ECT2: variants seen among roughly 807,000 people sequenced by gnomAD.
ECT2 encodes epithelial cell transforming 2, also known as protein ECT2.
ECT2 carries 61 observed loss-of-function variants against 116.9 expected under a neutral mutation model. That is an observed-to-expected ratio of 0.52 (90% CI 0.42 to 0.65). ECT2 has a LOEUF of 0.65. Among genes scored for constraint, ECT2 ranks in the 30% least tolerant of loss-of-function variants. The pLI is 0.00. For missense variants in ECT2, 937 were observed against 1,078.7 expected, an observed-to-expected ratio of 0.87 and a Z score of 1.84; for synonymous variants, 358 against 346.4, an observed-to-expected ratio of 1.03 and a Z score of -0.37.
chr3:172,763,275 G>T (rs1167256618), intron 11 of ECT2, among the ~76,000 whole-genome samples: 2 of 152,144 alleles, frequency 1.3e-5, no homozygotes, highest in Non-Finnish European at 2.9e-5. Flanking sequence ...TTAACGATGG[G>T]GAATGATGTG....
chr3:172,797,258 C>T (rs1428468005), intron 18 of ECT2, among the ~76,000 whole-genome samples: 1 of 151,416 alleles, frequency 6.6e-6, no homozygotes, highest in Non-Finnish European at 1.5e-5. Context: ...TGGTCTCAAA[C>T]TCCAGGGTTC....
chr3:172,795,776 T>TA (rs1468100323), intron 18 of ECT2, among the ~76,000 whole-genome samples: 1 of 152,082 alleles, frequency 6.6e-6, no homozygotes, highest in South Asian at 2.1e-4. Flanking sequence ...AATTAAGTAA[T>TA]AGAGAGCTCA....
intron 24 of ECT2, among the ~76,000 whole-genome samples, chr3:172,817,163 G>A (rs991462232): frequency 3.9e-5 from 6 of 152,084 alleles, no homozygotes; most frequent in East Asian, 1.9e-4. Context: ...GCACAGCTCT[G>A]TACACTAGCA....
rs1288269385 is a variant in ECT2 at position 172,764,469 on chromosome 3, C to G, written c.1260C>G (p.Ser420=). The change falls in exon 12 of 25, where the codon TCC becomes TCG. Residue 420 remains serine, a synonymous_variant. Coordinates refer to ENST00000392692, the MANE Select transcript of ECT2 (RefSeq NM_001258315.2). ...CCATAGGGTCACTCCTAGATATCTC[C>G]AACACACCAGAGTCTAGCATTAACT... ...SLSIGSLLDI[S]NTPESSINYG... is the part of the protein sequence containing the mutation. 1.2e-6 allele frequency: 2 copies of G among 1,614,068 alleles called. No individual in the cohort carries two copies. Among genetic ancestry groups the G allele is most frequent in the Middle Eastern group, 1.6e-4 (1 of 6,062 alleles).
intron 15 of ECT2, among the ~76,000 whole-genome samples, chr3:172,782,815 T>A (rs1332366386): frequency 2.0e-5 from 3 of 152,152 alleles, no homozygotes; most frequent in Non-Finnish European, 2.9e-5. Flanking sequence ...CCTGTGTTAG[T>A]TTGTTAAGGA....
At chr3:172,777,730 C>A (rs916887486) in intron 14 of ECT2, among the ~76,000 whole-genome samples, 1 of 152,144 alleles carries the variant, frequency 6.6e-6, no homozygotes, top group Non-Finnish European at 1.5e-5. Flanking sequence ...AAAACCCCAT[C>A]GCTACAAAAA....
intron 18 of ECT2, among the ~76,000 whole-genome samples, chr3:172,789,249 C>A (rs143243356): frequency 1.4e-5 from 2 of 144,054 alleles, no homozygotes; most frequent in African/African-American, 5.1e-5. Flanking sequence ...GACAGGATCT[C>A]ACTCTGGTTG....
chr3:172,768,513 C>T (rs1719966750), intron 12 of ECT2, among the ~76,000 whole-genome samples: 1 of 152,120 alleles, frequency 6.6e-6, no homozygotes, highest in Non-Finnish European at 1.5e-5. Context: ...ATGATAGAGA[C>T]ATATTTCTTA....
At chr3:172,803,438 T>TA (rs1727090246) in intron 20 of ECT2, among the ~76,000 whole-genome samples, 1 of 152,194 alleles carries the variant, frequency 6.6e-6, no homozygotes. Flanking sequence ...CAGCAGGTTT[T>TA]AGAGTGAATG....
At chr3:172,802,560 G>T in intron 18 of ECT2, 56 bp from the exon 19 acceptor site, 1 of 1,089,128 alleles carries the variant, frequency 9.2e-7, no homozygotes, top group Non-Finnish European at 1.3e-6. Context: ...CATGAGTTGT[G>T]TTTGTTGTAG....
intron 14 of ECT2, among the ~76,000 whole-genome samples, chr3:172,776,357 C>T (rs78245400): frequency 0.062 from 9,324 of 151,604 alleles, 965 homozygotes; most frequent in African/African-American, 0.21. Flanking sequence ...CAGTACGTGC[C>T]GTGAAACATT....
intron 2 of ECT2, among the ~76,000 whole-genome samples, chr3:172,754,945 T>G (rs981941182): frequency 6.6e-5 from 10 of 152,062 alleles, no homozygotes; most frequent in Non-Finnish European, 1.5e-4. Context: ...AGTTATACAG[T>G]CATGACTGGT....
intron 22 of ECT2, among the ~76,000 whole-genome samples, chr3:172,809,568 TACACACACAC>T (rs10576393): frequency 6.1e-5 from 9 of 147,150 alleles, no homozygotes; most frequent in African/African-American, 7.5e-5. Context: ...TGTGTATATC[TACACACACAC>T]ACACACACAC....
chr3:172,783,444 A>G (rs549658643), intron 15 of ECT2, among the ~76,000 whole-genome samples: 6 of 152,218 alleles, frequency 3.9e-5, no homozygotes, highest in Admixed American at 2.6e-4. Flanking sequence ...TGGATTTTTG[A>G]ATAAATACCA....
intron 22 of ECT2, among the ~76,000 whole-genome samples, chr3:172,809,593 AC>A (rs1560021084): frequency 1.7e-4 from 25 of 147,550 alleles, no homozygotes; most frequent in Non-Finnish European, 3.1e-4. Context: ...ACACACACAC[AC>A]ACACGCACAC....
chr3:172,810,670 G>A (rs1219505051), intron 22 of ECT2, among the ~76,000 whole-genome samples: 1 of 152,110 alleles, frequency 6.6e-6, no homozygotes, highest in African/African-American at 2.4e-5. Context: ...GGATCTGGGG[G>A]TTTGAAGACT....
rs754868244 is a variant in ECT2, at chr3:172,764,541, G to T, written c.1291+41G>T. 22 of 1,534,908 alleles carry T rather than the reference G, an allele frequency of 1.4e-5. No individual in the cohort carries two copies. The Admixed American group carries it at 3.5e-4, about 25-fold the overall frequency. On this transcript the variant is annotated intron_variant, in intron 12 of 24. Coordinates refer to ENST00000392692, the MANE Select transcript of ECT2 (RefSeq NM_001258315.2). ...AAAAACTTGTCTTTAAAGTTTAGTG[G>T]AATGGAATAATTGTTAGAATTTAGA... is the stretch of plus-strand genomic sequence containing the variant.
intron 9 of ECT2, 48 bp downstream of exon 9, chr3:172,762,594 C>T (rs745920922): frequency 6.3e-6 from 10 of 1,575,168 alleles, no homozygotes. Context: ...AGTCCCTAGG[C>T]CTGCTTAATC....
chr3:172,827,402 G>T, the ECT2 span, among the ~76,000 whole-genome samples: 1 of 152,158 alleles, frequency 6.6e-6, no homozygotes, highest in Non-Finnish European at 1.5e-5. Context: ...CAGATGAATG[G>T]ATAAAGAAAA....
Sources: allele counts gnomAD v4.1 joint callset (sites outside exome capture counted in the v4.1 genomes callset), GRCh38; gene constraint gnomAD v4.1.1; transcripts MANE v1.5; gene names NCBI Gene and HGNC (gene_info 2026-07-23, HGNC 2026-07-21).